Variants in KIF2A observed in about 807,000 individuals in gnomAD.
KIF2A encodes the protein kinesin-like protein KIF2A.
In KIF2A, 22 loss-of-function variants were observed where a neutral mutation model predicts 100.2. The ratio of observed to expected loss-of-function variants is 0.22; its 90% CI spans 0.16 to 0.31. The LOEUF (loss-of-function observed/expected upper bound fraction) is 0.31. Ranked by LOEUF, KIF2A falls within the 10% of genes least tolerant of loss-of-function variation. The pLI is 1.00. For missense variants in KIF2A, 495 were observed against 898.7 expected (o/e 0.55, Z 5.74); for synonymous variants, 268 against 285.9 (o/e 0.94, Z 0.63).
intron 19 of KIF2A, 129 bp from the exon 20 acceptor site, chr5:62,380,989 G>A (rs1741751536): frequency 4.4e-6 from 3 of 682,938 alleles, no homozygotes; most frequent in Non-Finnish European, 7.4e-6. Flanking sequence ...TGTGAATAAA[G>A]ATGTTTTATG....
At chr5:62,349,187 C>T (rs77095585) in intron 3 of KIF2A, among the ~76,000 whole-genome samples, 6,099 of 151,856 alleles carry the variant, frequency 0.04, 382 homozygotes, top group African/African-American at 0.14. Context: ...ATATCATTAG[C>T]AACCTTTACT....
At position 62,361,339 on chromosome 5, in the gene KIF2A, A is replaced by T. The variant is rs757357215; in HGVS notation, c.963+7A>T. 3 of 1,574,774 alleles carry T rather than the reference A, an allele frequency of 1.9e-6. No individual in the cohort carries two copies. In the Admixed American group the frequency reaches 5.1e-5, roughly 27 times the overall value. On this transcript the variant is annotated splice_region_variant and intron_variant, in intron 10 of 20. Transcript: ENST00000407818. ...TGGAAGTGGAAAAACTCATGTAAGT[A>T]ATTTATTAAAGTTACATTCTGGTAC...
intron 19 of KIF2A, among the ~76,000 whole-genome samples, chr5:62,377,990 C>G (rs753173916): frequency 1.3e-5 from 2 of 152,170 alleles, no homozygotes; most frequent in Non-Finnish European, 2.9e-5. Flanking sequence ...CCTCCCGTCC[C>G]CCTTATTGGT....
chr5:62,321,114 CT>C (rs1247319593), intron 1 of KIF2A, among the ~76,000 whole-genome samples: 8 of 152,216 alleles, frequency 5.3e-5, no homozygotes, highest in South Asian at 4.1e-4. Flanking sequence ...TATTTCAGTA[CT>C]TTTTTTATGG....
At chr5:62,322,451 C>T (rs1746147395) in intron 1 of KIF2A, among the ~76,000 whole-genome samples, 1 of 152,120 alleles carries the variant, frequency 6.6e-6, no homozygotes, top group Admixed American at 6.5e-5. Flanking sequence ...ATTGTCTAAT[C>T]CAAGATGAGA....
Position 62,352,586 on chromosome 5 carries a change from A to G in KIF2A, c.335-2A>G. On this transcript the variant is annotated splice_acceptor_variant, in intron 4 of 20. Coordinates refer to ENST00000407818, the MANE Select transcript of KIF2A (RefSeq NM_001098511.3). LOFTEE classifies it high-confidence loss of function. ...TTTAAAATTTTTTTTTTTTACTTACAGTGGTTGGTTCAGCACGTGCACGGC... is the reference window on the plus strand; with the variant it reads ...TTTAAAATTTTTTTTTTTTACTTACGGTGGTTGGTTCAGCACGTGCACGGC... The G allele has an allele frequency of 6.6e-7, 1 of 1,524,384 alleles. No homozygotes were observed. The highest frequency in any genetic ancestry group is 8.8e-7 in the Non-Finnish European group (1 of 1,138,554). 94.4% of individuals were successfully genotyped at this position (1,524,384 alleles called of 1,614,324 possible). A position where few individuals can be genotyped will look rare whatever the true frequency, so the allele number is the denominator to read the frequency against.
chr5:62,389,203 T>G lies in KIF2A; in HGVS notation c.*3634T>G. The G allele has an allele frequency of 1.5e-6, 1 of 671,662 alleles. No homozygotes were observed. Among genetic ancestry groups the G allele is most frequent in the Non-Finnish European group, 2.4e-6 (1 of 410,096 alleles). 41.6% of individuals were successfully genotyped at this position (671,662 alleles called of 1,614,324 possible). A position where few individuals can be genotyped will look rare whatever the true frequency, so the allele number is the denominator to read the frequency against. On this transcript the variant is annotated 3_prime_UTR_variant, in exon 21 of 21. Coordinates refer to ENST00000407818, the MANE Select transcript of KIF2A (RefSeq NM_001098511.3). Reference sequence around the variant, plus strand: ...ATACTAGTTATTAAAGAAACGTTACTGGCTGGGCGCAGTGGCTTATGCCTG... The same window carrying G: ...ATACTAGTTATTAAAGAAACGTTACGGGCTGGGCGCAGTGGCTTATGCCTG...
chr5:62,361,698 T>G (rs1748417677), intron 11 of KIF2A, among the ~76,000 whole-genome samples, 169 bp downstream of exon 11: 1 of 140,894 alleles, frequency 7.1e-6, no homozygotes. Flanking sequence ...AGATTATATA[T>G]TCACAATAAT....
At chr5:62,353,800 T>A (rs1747970873) in intron 6 of KIF2A, among the ~76,000 whole-genome samples, 1 of 152,120 alleles carries the variant, frequency 6.6e-6, no homozygotes, top group Non-Finnish European at 1.5e-5. Flanking sequence ...AGGGGGGAAA[T>A]TCCTTGGATT....
intron 19 of KIF2A, 63 bp from the exon 20 acceptor site, chr5:62,381,055 A>G (rs1168631284): frequency 8.1e-7 from 1 of 1,230,752 alleles, no homozygotes; most frequent in Non-Finnish European, 1.2e-6. Flanking sequence ...ATTTAACAGA[A>G]TTGTAATTTG....
chr5:62,354,120 G>A (rs528246445), intron 6 of KIF2A, among the ~76,000 whole-genome samples: 1 of 152,248 alleles, frequency 6.6e-6, no homozygotes, highest in South Asian at 2.1e-4. Context: ...GTGGAATTGT[G>A]GACCTAGTAT....
At chr5:62,348,206 G>A (rs1294400359) in intron 3 of KIF2A, 39 bp downstream of exon 3, 1 of 1,608,508 alleles carries the variant, frequency 6.2e-7, no homozygotes, top group East Asian at 2.2e-5. Context: ...CACTGGGAGA[G>A]AGCGGGAGTT....
chr5:62,356,001 G>A (rs996545431), intron 7 of KIF2A, among the ~76,000 whole-genome samples: 7 of 151,768 alleles, frequency 4.6e-5, no homozygotes, highest in Admixed American at 2.0e-4. Context: ...GGCTGGTCTC[G>A]AACTCCTGAC....
intron 12 of KIF2A, among the ~76,000 whole-genome samples, chr5:62,362,920 G>A (rs566973874): frequency 2.0e-5 from 3 of 152,268 alleles, no homozygotes; most frequent in African/African-American, 7.2e-5. Flanking sequence ...TCAATCTCCT[G>A]AGCTCAAGTG....
chr5:62,374,419 G>A (rs1248852032), intron 18 of KIF2A, among the ~76,000 whole-genome samples: 1 of 152,122 alleles, frequency 6.6e-6, no homozygotes, highest in African/African-American at 2.4e-5. Flanking sequence ...CTTTAAGGAA[G>A]TTTCCAACTC....
At chr5:62,339,404 G>T (rs1239216230) in intron 1 of KIF2A, among the ~76,000 whole-genome samples, 1 of 151,544 alleles carries the variant, frequency 6.6e-6, no homozygotes, top group Non-Finnish European at 1.5e-5. Flanking sequence ...CCAATATAGG[G>T]ATTACAATTC....
chr5:62,308,310 TA>T, intron 1 of KIF2A: 1 of 1,388,838 alleles, frequency 7.2e-7, no homozygotes. Flanking sequence ...TTTTTTTAGG[TA>T]AATACGAGTT....
chr5:62,335,532 G>A (rs1173346855), intron 1 of KIF2A, among the ~76,000 whole-genome samples: 3 of 152,188 alleles, frequency 2.0e-5, no homozygotes, highest in African/African-American at 7.2e-5. Flanking sequence ...GCCTGGAGGA[G>A]CTCAAGGGAG....
chr5:62,326,920 C>T (rs1041141172), intron 1 of KIF2A, among the ~76,000 whole-genome samples: 3 of 152,016 alleles, frequency 2.0e-5, no homozygotes, highest in East Asian at 1.9e-4. Flanking sequence ...TTGCTTGAGC[C>T]GGGGAGGCGG....
Sources: allele counts gnomAD v4.1 joint callset (sites outside exome capture counted in the v4.1 genomes callset), GRCh38; gene constraint gnomAD v4.1.1; transcripts MANE v1.5; gene names NCBI Gene and HGNC (gene_info 2026-07-23, HGNC 2026-07-21).